The following FAM193A variants were observed in gnomAD, a reference collection of about 807,000 sequenced individuals.
FAM193A encodes family with sequence similarity 193 member A.
A neutral mutation model predicts 126.5 loss-of-function variants in FAM193A; 22 were observed. The observed-to-expected ratio is 0.17, with a 90% CI of 0.12 to 0.25. The LOEUF (loss-of-function observed/expected upper bound fraction) is 0.25. FAM193A is among the 10% of genes least tolerant of loss of function. FAM193A has a pLI of 1.00. For missense variants in FAM193A, 1,675 were observed against 1,672.8 expected, an observed-to-expected ratio of 1.00 and a Z score of -0.02; for synonymous variants, 761 against 646.8, an observed-to-expected ratio of 1.18 and a Z score of -2.68.
chr4:2,590,475 A>C (rs1560464443), intron 1 of FAM193A, among the ~76,000 whole-genome samples: 7 of 81,494 alleles, frequency 8.6e-5, no homozygotes, highest in African/African-American at 3.2e-4. Flanking sequence ...AAAAAAAAAA[A>C]CAAAAAAAAA....
intron 10 of FAM193A, 121 bp from the exon 11 acceptor site, chr4:2,662,717 C>CT: frequency 1.5e-6 from 1 of 680,636 alleles, no homozygotes; most frequent in South Asian, 2.4e-5. Flanking sequence ...TGATACTTAA[C>CT]TAATACTCTT....
chr4:2,720,043 C>T (rs1028554892), intron 20 of FAM193A: 4 of 176,322 alleles, frequency 2.3e-5, no homozygotes, highest in Admixed American at 6.1e-5. Context: ...GATCTGCCCA[C>T]CTCAGCCTCC....
chr4:2,679,375 C>CTTTCTTTT (rs1233397336), intron 13 of FAM193A, among the ~76,000 whole-genome samples: 6 of 87,846 alleles, frequency 6.8e-5, no homozygotes, highest in African/African-American at 2.3e-4. Flanking sequence ...AGTTTTCTTT[C>CTTTCTTTT]TTTTTTTTTT....
At chr4:2,583,165 T>G (rs1740049128) in intron 1 of FAM193A, among the ~76,000 whole-genome samples, 1 of 152,184 alleles carries the variant, frequency 6.6e-6, no homozygotes, top group Non-Finnish European at 1.5e-5. Context: ...ACCCTGTCTG[T>G]CTTTGACCAC....
intron 20 of FAM193A, among the ~76,000 whole-genome samples, chr4:2,718,718 G>A (rs1719804567): frequency 1.3e-5 from 2 of 151,994 alleles, no homozygotes; most frequent in African/African-American, 4.8e-5. Flanking sequence ...CGAGAGCCCT[G>A]TCTCAAAAAT....
At chr4:2,667,719 A>G (rs1344664049) in intron 12 of FAM193A, among the ~76,000 whole-genome samples, 2 of 152,030 alleles carry the variant, frequency 1.3e-5, no homozygotes, top group Non-Finnish European at 2.9e-5. Context: ...TGGGCCTTGC[A>G]TTTTTATCCT....
intron 4 of FAM193A, among the ~76,000 whole-genome samples, chr4:2,627,863 C>G (rs571186255): frequency 6.6e-6 from 1 of 152,222 alleles, no homozygotes; most frequent in South Asian, 2.1e-4. Context: ...CTGCCTCAGC[C>G]TGCCGAGTAG....
At chr4:2,709,426 G>C (rs999578473) in intron 19 of FAM193A, among the ~76,000 whole-genome samples, 10 of 151,954 alleles carry the variant, frequency 6.6e-5, no homozygotes, top group African/African-American at 2.4e-4. Flanking sequence ...GGAAGTTTTT[G>C]GCTGGGCACG....
At chr4:2,552,274 GTGC>G (rs1311584571) in intron 1 of FAM193A, among the ~76,000 whole-genome samples, 4 of 151,616 alleles carry the variant, frequency 2.6e-5, no homozygotes, top group African/African-American at 9.7e-5. Flanking sequence ...GCCTCCCAAA[GTGC>G]TGGGATTACA....
At chr4:2,540,954 G>T (rs6822156) in intron 1 of FAM193A, among the ~76,000 whole-genome samples, 1 of 147,134 alleles carries the variant, frequency 6.8e-6, no homozygotes, top group African/African-American at 2.5e-5. Flanking sequence ...GTGCAAGACT[G>T]TGTCTCAAAA....
At position 2,590,788 on chromosome 4, in the gene FAM193A, G is replaced by A. The variant is rs1740524960; in HGVS notation, c.256-5296G>A. On this transcript the variant is annotated intron_variant, in intron 1 of 20. Transcript: ENST00000637812. ...CACACCTGTAATCCCAGCATTGTGA[G>A]AGGCCGAGGCGGGTGGATCACGAGG... 3.3e-5 allele frequency among the ~76,000 whole-genome samples: 5 copies of A among 152,082 alleles called. No individual in the cohort carries two copies. In the South Asian group the frequency reaches 1.0e-3, roughly 32 times the overall value.
chr4:2,544,949 G>T (rs951177663), intron 1 of FAM193A, among the ~76,000 whole-genome samples: 2 of 151,596 alleles, frequency 1.3e-5, no homozygotes, highest in African/African-American at 2.4e-5. Context: ...TTCTACTACT[G>T]ATCTCATCTG....
intron 5 of FAM193A, among the ~76,000 whole-genome samples, chr4:2,633,292 G>A (rs970492409): frequency 6.6e-6 from 1 of 151,866 alleles, no homozygotes; most frequent in Admixed American, 6.6e-5. Context: ...CCAGCTACTC[G>A]GGAGGCTGAG....
chr4:2,581,887 T>C (rs2108880347), intron 1 of FAM193A, among the ~76,000 whole-genome samples: 1 of 149,574 alleles, frequency 6.7e-6, no homozygotes, highest in Middle Eastern at 3.7e-3. Context: ...TCTCCTGACC[T>C]CGTGATCTGC....
At chr4:2,684,704 C>A (rs1169632117) in intron 13 of FAM193A, among the ~76,000 whole-genome samples, 5 of 152,222 alleles carry the variant, frequency 3.3e-5, no homozygotes, top group Non-Finnish European at 7.3e-5. Context: ...CCCCACACGT[C>A]ACTGTGGCGA....
chr4:2,610,158 A>C (rs1236356374), intron 2 of FAM193A, among the ~76,000 whole-genome samples: 1 of 151,538 alleles, frequency 6.6e-6, no homozygotes, highest in Non-Finnish European at 1.5e-5. Context: ...CTTGAACCAG[A>C]GAGTTGGAGG....
intron 1 of FAM193A, among the ~76,000 whole-genome samples, chr4:2,545,504 G>A (rs999243066): frequency 1.8e-4 from 27 of 151,950 alleles, no homozygotes; most frequent in African/African-American, 5.6e-4. Flanking sequence ...CAACTGATGT[G>A]TCTATTCCTT....
intron 7 of FAM193A, among the ~76,000 whole-genome samples, chr4:2,648,644 G>A (rs192230261): frequency 6.6e-6 from 1 of 152,364 alleles, no homozygotes; most frequent in East Asian, 1.9e-4. Context: ...GAGGCCTGGA[G>A]CATCCCAGGG....
intron 2 of FAM193A, among the ~76,000 whole-genome samples, chr4:2,609,788 G>A (rs1741751708): frequency 1.3e-5 from 2 of 152,058 alleles, no homozygotes; most frequent in Admixed American, 6.6e-5. Context: ...AATCAGCTGG[G>A]TGTGGTGTTG....
Sources: gnomAD v4.1 joint callset for allele counts (sites outside exome capture counted in the v4.1 genomes callset) on GRCh38, gnomAD v4.1.1 for gene constraint, MANE v1.5 for transcripts, NCBI Gene and HGNC (gene_info 2026-07-23, HGNC 2026-07-21) for gene names.